CDC42BPB: variants seen among roughly 807,000 people sequenced by gnomAD.
The protein encoded by CDC42BPB is CDC42 binding protein kinase beta.
Under a neutral mutation model 214.9 loss-of-function variants are expected in CDC42BPB, and 37 were observed. The ratio of observed to expected loss-of-function variants is 0.17; its 90% CI spans 0.13 to 0.23. CDC42BPB has a LOEUF of 0.23. CDC42BPB is among the 10% of genes least tolerant of loss of function. The pLI, the probability that CDC42BPB is intolerant of heterozygous loss-of-function variation, is 1.00. For synonymous variants in CDC42BPB, 931 were observed against 884.0 expected (o/e 1.05, Z -0.94); for missense variants, 1,694 against 2,227.0 (o/e 0.76, Z 4.82).
At chr14:103,003,233 G>A (rs1252680656) in intron 4 of CDC42BPB, among the ~76,000 whole-genome samples, 2 of 152,160 alleles carry the variant, frequency 1.3e-5, no homozygotes, top group East Asian at 3.8e-4. Flanking sequence ...TCAGGTTCAG[G>A]CAAACCTAGA....
intron 1 of CDC42BPB, among the ~76,000 whole-genome samples, chr14:103,024,024 C>A (rs567062821): frequency 1.2e-4 from 19 of 152,312 alleles, no homozygotes; most frequent in African/African-American, 4.6e-4. Flanking sequence ...AGCTGCTGCA[C>A]TGGAGCAGGA....
At chr14:103,029,929 G>A (rs540827415) in intron 1 of CDC42BPB, among the ~76,000 whole-genome samples, 8 of 151,196 alleles carry the variant, frequency 5.3e-5, no homozygotes, top group South Asian at 2.1e-4. Flanking sequence ...GCATGTGAGC[G>A]GGAAGCAATA....
At chr14:102,973,019 C>T (rs546837230) in intron 12 of CDC42BPB, among the ~76,000 whole-genome samples, 3 of 152,336 alleles carry the variant, frequency 2.0e-5, no homozygotes, top group African/African-American at 7.2e-5. Flanking sequence ...ACTCACCACG[C>T]TGATGACCCT....
Position 102,943,798 on chromosome 14 carries a change from G to T in CDC42BPB, c.4408+93C>A. 2 of 1,138,608 alleles carry T rather than the reference G, an allele frequency of 1.8e-6. No individual in the cohort carries two copies. Among genetic ancestry groups the T allele is most frequent in the Non-Finnish European group, 2.5e-6 (2 of 797,630 alleles). The allele number at this position is 1,138,608 out of a possible 1,614,324, so 70.5% of individuals were successfully genotyped here. A position where few individuals can be genotyped will look rare whatever the true frequency, so the allele number is the denominator to read the frequency against. ...ATGCTCTGTGACTACTCAACTAAGGGACTGGAAGACAAACCAAAGCAAAAT... is the reference window on the plus strand; with the variant it reads ...ATGCTCTGTGACTACTCAACTAAGGTACTGGAAGACAAACCAAAGCAAAAT... On this transcript the variant is annotated intron_variant, in intron 30 of 36. Transcript: ENST00000361246. The surrounding 1 kb of genome is among the most constrained non-coding windows in gnomAD (Gnocchi z 4.6).
chr14:103,012,262 T>G (rs1886200263), intron 1 of CDC42BPB, 74 bp from the exon 2 acceptor site: 1 of 1,494,702 alleles, frequency 6.7e-7, no homozygotes, highest in Non-Finnish European at 9.1e-7. Flanking sequence ...TTGAGTGGGG[T>G]GTTGCACTAA....
At chr14:103,036,500 A>G (rs1011616838) in intron 1 of CDC42BPB, among the ~76,000 whole-genome samples, 1 of 152,148 alleles carries the variant, frequency 6.6e-6, no homozygotes, top group African/African-American at 2.4e-5. Flanking sequence ...AATTTTTCCT[A>G]AAACTACAGT....
chr14:103,026,654 G>A (rs1243306534), intron 1 of CDC42BPB, among the ~76,000 whole-genome samples: 1 of 151,772 alleles, frequency 6.6e-6, no homozygotes, highest in African/African-American at 2.4e-5. Context: ...ACAAGGTCAA[G>A]AGATCGAGAC....
intron 1 of CDC42BPB, among the ~76,000 whole-genome samples, chr14:103,052,288 T>G (rs934064869): frequency 2.0e-5 from 3 of 152,232 alleles, no homozygotes; most frequent in Admixed American, 1.3e-4. Flanking sequence ...ATCCTAACAT[T>G]TCCCTATAAT....
At chr14:102,936,475 A>G (rs1029744986) in intron 36 of CDC42BPB, among the ~76,000 whole-genome samples, 1 of 152,202 alleles carries the variant, frequency 6.6e-6, no homozygotes, top group Non-Finnish European at 1.5e-5. Context: ...ACAGTATGCC[A>G]GGTGAGAGCT....
chr14:103,038,163 C>G (rs183087030), intron 1 of CDC42BPB, among the ~76,000 whole-genome samples: 2 of 151,366 alleles, frequency 1.3e-5, no homozygotes, highest in African/African-American at 2.4e-5. Flanking sequence ...GGCGAAACCC[C>G]GTCTCTACTA....
At chr14:103,028,262 A>G (rs1887160842) in intron 1 of CDC42BPB, among the ~76,000 whole-genome samples, 1 of 152,240 alleles carries the variant, frequency 6.6e-6, no homozygotes, top group African/African-American at 2.4e-5. Context: ...AATTTATTCA[A>G]AAAGTATTAA....
rs199788962 is a variant in CDC42BPB at position 102,940,020 on chromosome 14, C to T, written c.4591+26G>A. Reference sequence around the variant, plus strand: ...ACGCCCCTCCAACTTCCCTTCCCTCCACTCCCGGTGCAGAGGAAGGCTCAC... The same window carrying T: ...ACGCCCCTCCAACTTCCCTTCCCTCTACTCCCGGTGCAGAGGAAGGCTCAC... On this transcript the variant is annotated intron_variant, in intron 32 of 36. Coordinates refer to ENST00000361246, the MANE Select transcript of CDC42BPB (RefSeq NM_006035.4). The T allele has an allele frequency of 1.4e-5, 22 of 1,613,930 alleles. No individual in the cohort carries two copies. The African/African-American group carries it at 2.0e-4, about 15-fold the overall frequency.
chr14:102,953,140 T>A (rs928031553), intron 23 of CDC42BPB, among the ~76,000 whole-genome samples: 6 of 152,072 alleles, frequency 3.9e-5, no homozygotes, highest in African/African-American at 1.4e-4. Flanking sequence ...GAACAGAGGG[T>A]CGTGGTGCAG....
In CDC42BPB at chr14:103,008,543, T is replaced by G; in HGVS notation, c.280A>C (p.Lys94Gln). The change falls in exon 3 of 37, where the codon AAA becomes CAA. Residue 94 changes from lysine to glutamine, a missense_variant. This residue lies in a region of CDC42BPB where 225 missense variants were observed against 459.3 expected (regional missense o/e 0.49). Transcript: ENST00000361246. ...TAAATTCGTTCAGTATTCTTCATTT[T>G]GACAACAGCAACCTGCAGTGCAAAT... is the stretch of plus-strand genomic sequence containing the variant. ...RGAFGEVAVV[K>Q]MKNTERIYAM... is the part of the protein sequence containing the mutation. The G allele has an allele frequency of 1.2e-6, 2 of 1,611,296 alleles. No homozygotes were observed. The highest frequency in any genetic ancestry group is 1.7e-6 in the Non-Finnish European group (2 of 1,177,342).
intron 5 of CDC42BPB, among the ~76,000 whole-genome samples, chr14:102,987,740 A>G (rs1894306296): frequency 1.3e-5 from 2 of 152,232 alleles, no homozygotes; most frequent in South Asian, 4.1e-4. Context: ...TCAAATAAAC[A>G]TTCAGGAATA....
At chr14:103,043,274 A>G (rs1473869921) in intron 1 of CDC42BPB, among the ~76,000 whole-genome samples, 2 of 152,212 alleles carry the variant, frequency 1.3e-5, no homozygotes, top group Admixed American at 1.3e-4. Flanking sequence ...ATAAATAAAC[A>G]AAAGGTAAAC....
chr14:102,970,227 G>A lies in CDC42BPB; in HGVS notation c.1919C>T (p.Ala640Val). 1 of 1,613,646 alleles carries A rather than the reference G, an allele frequency of 6.2e-7. No individual in the cohort carries two copies. The highest frequency in any genetic ancestry group is 8.5e-7 in the Non-Finnish European group (1 of 1,179,866). The change falls in exon 14 of 37, where the codon GCC (alanine) becomes GTC (valine). Residue 640 changes from alanine to valine, a missense_variant. Physicochemically the swap from Ala to Val is moderately conservative, Grantham distance 64. Transcript: ENST00000361246. ...CTCACGAAGCTTGCGCTCCTTGGAG[G>A]CCTCAGCAACAGCATCATCAAGCTG... Reference protein sequence around the residue: ...EAQLDDAVAEASKERKLREHS... With the variant: ...EAQLDDAVAEVSKERKLREHS...
intron 5 of CDC42BPB, among the ~76,000 whole-genome samples, chr14:102,993,109 C>T (rs1012150619): frequency 6.6e-6 from 1 of 152,112 alleles, no homozygotes; most frequent in Non-Finnish European, 1.5e-5. Context: ...GGATTACAGG[C>T]GTGAGCCACT....
At position 103,040,375 on chromosome 14, in the gene CDC42BPB, A is replaced by T. The variant is rs150084531; in HGVS notation, c.175+16624T>A. Among the ~76,000 whole-genome samples the T allele has an allele frequency of 3.6e-3, 543 of 152,248 alleles. 2 individuals are homozygous for T. Among genetic ancestry groups the T allele is most frequent in the African/African-American group, 0.011 (460 of 41,554 alleles). ...GTCTCAAAAAAAAAGTTAAAGCAGC[A>T]AACTTTATGTATTTTTACCCCAATT... is the stretch of plus-strand genomic sequence containing the variant. On this transcript the variant is annotated intron_variant, in intron 1 of 36. Coordinates refer to ENST00000361246, the MANE Select transcript of CDC42BPB (RefSeq NM_006035.4).
Sources: allele counts gnomAD v4.1 joint callset (sites outside exome capture counted in the v4.1 genomes callset), GRCh38; gene constraint gnomAD v4.1.1; regional missense constraint gnomAD v4.1.1; non-coding constraint Gnocchi (gnomAD v3.1); transcripts MANE v1.5; gene names NCBI Gene and HGNC (gene_info 2026-07-23, HGNC 2026-07-21).